Variants in DGKB observed in about 807,000 individuals in gnomAD.
DGKB encodes 90 kDa diacylglycerol kinase.
Under a neutral mutation model 114.3 loss-of-function variants are expected in DGKB, and 67 were observed. That is an observed-to-expected ratio of 0.59 (90% confidence interval 0.48 to 0.72). The LOEUF (loss-of-function observed/expected upper bound fraction) is 0.72. Ranked by LOEUF, DGKB falls within the 30% of genes least tolerant of loss-of-function variation. The probability of loss-of-function intolerance (pLI) is 0.00; values close to 1 mark genes in which losing one functional copy is unlikely to be tolerated. For synonymous variants in DGKB, 398 were observed against 323.1 expected (o/e 1.23, Z -2.49); for missense variants, 907 against 975.2 (o/e 0.93, Z 0.93).
chr7:14,571,434 T>TA (rs1365180317), intron 20 of DGKB, among the ~76,000 whole-genome samples: 2 of 152,196 alleles, frequency 1.3e-5, no homozygotes, highest in East Asian at 3.9e-4. Flanking sequence ...GCCAGTGTCA[T>TA]AGCTAGCCTG....
In DGKB at chr7:14,516,046, C is replaced by T. The variant is rs533208311; in HGVS notation, c.1771-37821G>A. Among the ~76,000 whole-genome samples the T allele has an allele frequency of 1.1e-3, 173 of 152,164 alleles. 1 individual carries two copies. The highest frequency in any genetic ancestry group is 2.3e-3 in the Non-Finnish European group (153 of 67,988). ...TTATTTTTGGGGGGATGGGGTTTTGCCATGTTGCCCAGGCTGGTCTCATAC... is the reference window on the plus strand; with the variant it reads ...TTATTTTTGGGGGGATGGGGTTTTGTCATGTTGCCCAGGCTGGTCTCATAC... On this transcript the variant is annotated intron_variant, in intron 20 of 25. Coordinates refer to ENST00000402815, the MANE Select transcript of DGKB (RefSeq NM_001350709.2).
chr7:14,220,155 C>T (rs766396397), intron 23 of DGKB, among the ~76,000 whole-genome samples: 2 of 151,586 alleles, frequency 1.3e-5, no homozygotes, highest in Admixed American at 6.6e-5. Context: ...AGACAACTAA[C>T]TGTAACACAA....
chr7:14,352,168 A>C (rs930483950), intron 21 of DGKB, among the ~76,000 whole-genome samples: 1 of 152,214 alleles, frequency 6.6e-6, no homozygotes, highest in Non-Finnish European at 1.5e-5. Flanking sequence ...ATGCTACTCC[A>C]TCTTAGTTTA....
chr7:14,636,338 C>G (rs751319395), intron 13 of DGKB, among the ~76,000 whole-genome samples: 1 of 151,624 alleles, frequency 6.6e-6, no homozygotes, highest in Non-Finnish European at 1.5e-5. Flanking sequence ...CCTCTAAATG[C>G]GCCCTCATTA....
chr7:14,572,584 T>C (rs2128706180), intron 20 of DGKB, among the ~76,000 whole-genome samples: 1 of 151,958 alleles, frequency 6.6e-6, no homozygotes, highest in South Asian at 2.1e-4. Context: ...AAAAGTCTGG[T>C]AACCAAAACA....
At chr7:14,857,853 T>A (rs781336949) in intron 1 of DGKB, among the ~76,000 whole-genome samples, 2 of 152,182 alleles carry the variant, frequency 1.3e-5, no homozygotes, top group Non-Finnish European at 2.9e-5. Flanking sequence ...ACATATTTTA[T>A]AATTTATTAT....
chr7:14,823,160 A>G (rs1845184504), intron 2 of DGKB, among the ~76,000 whole-genome samples: 1 of 151,850 alleles, frequency 6.6e-6, no homozygotes, highest in Admixed American at 6.6e-5. Flanking sequence ...GTAAAGAAAC[A>G]GTGAGATTTC....
intron 23 of DGKB, among the ~76,000 whole-genome samples, chr7:14,239,125 C>A (rs1793264420): frequency 6.6e-6 from 1 of 151,958 alleles, no homozygotes; most frequent in South Asian, 2.1e-4. Context: ...GTCTATTATT[C>A]ATCTACAGGA....
At chr7:14,173,609 T>G (rs1404200961) in intron 25 of DGKB, among the ~76,000 whole-genome samples, 1 of 152,324 alleles carries the variant, frequency 6.6e-6, no homozygotes. Context: ...AGCAGAGAAT[T>G]TAAACATTGT....
chr7:14,794,441 G>A (rs1211032138), intron 2 of DGKB, among the ~76,000 whole-genome samples: 4 of 152,130 alleles, frequency 2.6e-5, no homozygotes, highest in Non-Finnish European at 5.9e-5. Flanking sequence ...TACTTTTGAA[G>A]ATTTTCAGAA....
rs1193428016 is a variant in DGKB, at chr7:14,222,246, T to C, written c.2123-44095A>G. 4.0e-5 allele frequency among the ~76,000 whole-genome samples: 6 copies of C among 151,106 alleles called. No homozygotes were observed. In the East Asian group the frequency reaches 1.2e-3, roughly 30 times the overall value. On this transcript the variant is annotated intron_variant, in intron 23 of 25. Transcript: ENST00000402815. ...TTTGCAGTGTCTGAAGATTGAAGTA[T>C]AGGCTATTTATTTAAGCTGTTTTTT...
chr7:14,311,964 A>T (rs1210064441), intron 23 of DGKB, among the ~76,000 whole-genome samples: 1 of 152,154 alleles, frequency 6.6e-6, no homozygotes, highest in Non-Finnish European at 1.5e-5. Flanking sequence ...ATAACTGTAA[A>T]CTTATCCAGA....
Position 14,656,753 on chromosome 7 carries a change from TAC to T in DGKB, c.1134+16174_1134+16175del, listed in dbSNP as rs56208974. Among the ~76,000 whole-genome samples the T allele has an allele frequency of 4.9e-3, 729 of 149,310 alleles. 13 individuals are homozygous for T. Among genetic ancestry groups the T allele is most frequent in the East Asian group, 0.026 (130 of 5,012 alleles). On this transcript the variant is annotated intron_variant, in intron 13 of 25. Transcript: ENST00000402815. ...ATATACAGTATATATATAGGATATATACACACACACACACACACATATCCTAT... is the reference window on the plus strand; with the variant it reads ...ATATACAGTATATATATAGGATATATACACACACACACACACATATCCTAT...
chr7:14,570,021 A>G (rs549092791), intron 20 of DGKB, among the ~76,000 whole-genome samples: 2 of 151,454 alleles, frequency 1.3e-5, no homozygotes, highest in South Asian at 4.2e-4. Context: ...AGTTGATTTT[A>G]TATTTGGCAA....
chr7:14,465,572 G>A (rs2128877044), intron 21 of DGKB, among the ~76,000 whole-genome samples: 1 of 152,248 alleles, frequency 6.6e-6, no homozygotes, highest in South Asian at 2.1e-4. Context: ...TCTTCATCCA[G>A]TGTTAATTTA....
In DGKB at chr7:14,645,350, A is replaced by T. The variant is rs577528025; in HGVS notation, c.1135-15082T>A. Among the ~76,000 whole-genome samples, 29 of 152,194 alleles carry T rather than the reference A, an allele frequency of 1.9e-4. No homozygotes were observed. The Middle Eastern group carries it at 0.01, about 54-fold the overall frequency. On this transcript the variant is annotated intron_variant, in intron 13 of 25. Coordinates refer to ENST00000402815, the MANE Select transcript of DGKB (RefSeq NM_001350709.2). ...GAACTGCAGGAGCAAAAGAGCTGTA[A>T]TGTTCCTGCTTGCTGAGCTATAGGT...
chr7:14,908,529 T>C (rs746035133), intron 1 of DGKB, among the ~76,000 whole-genome samples: 7 of 152,194 alleles, frequency 4.6e-5, no homozygotes, highest in African/African-American at 1.4e-4. Flanking sequence ...TGCAAATAAA[T>C]ACACTAGCTT....
At chr7:14,447,561 G>A (rs1376597850) in intron 21 of DGKB, among the ~76,000 whole-genome samples, 1 of 152,022 alleles carries the variant, frequency 6.6e-6, no homozygotes, top group Admixed American at 6.6e-5. Flanking sequence ...TAGATTATAA[G>A]ATAAATTTAA....
At chr7:14,412,425 C>A (rs1583740265) in intron 21 of DGKB, among the ~76,000 whole-genome samples, 2 of 152,094 alleles carry the variant, frequency 1.3e-5, no homozygotes, top group Non-Finnish European at 2.9e-5. Flanking sequence ...TGCTCAAGAC[C>A]CAGTTGAACT....
Sources: gnomAD v4.1 joint callset for allele counts (sites outside exome capture counted in the v4.1 genomes callset) on GRCh38, gnomAD v4.1.1 for gene constraint, MANE v1.5 for transcripts, NCBI Gene and HGNC (gene_info 2026-07-23, HGNC 2026-07-21) for gene names.